Variants in TTC17 observed in about 807,000 individuals in gnomAD.
The protein encoded by TTC17 is tetratricopeptide repeat protein 17.
TTC17 carries 58 observed loss-of-function variants against 143.8 expected under a neutral mutation model. The ratio of observed to expected loss-of-function variants is 0.40; its 90% CI spans 0.33 to 0.50. TTC17 has a LOEUF of 0.50. Ranked by LOEUF, TTC17 falls within the 20% of genes least tolerant of loss-of-function variation. TTC17 has a pLI of 0.49. For synonymous variants in TTC17, 501 were observed against 497.8 expected, an observed-to-expected ratio of 1.01 and a Z score of -0.09; for missense variants, 1,273 against 1,392.5, an observed-to-expected ratio of 0.91 and a Z score of 1.37.
chr11:43,405,973 A>G, intron 13 of TTC17, 22 bp downstream of exon 13: 2 of 1,605,592 alleles, frequency 1.2e-6, no homozygotes, highest in Non-Finnish European at 1.7e-6. Context: ...TTAGGCTGGT[A>G]TTTATTGCCG....
chr11:43,367,742 G>GTCTC (rs1554982431), intron 1 of TTC17, among the ~76,000 whole-genome samples: 1 of 151,794 alleles, frequency 6.6e-6, no homozygotes, highest in African/African-American at 2.4e-5. Flanking sequence ...GTGTGTGTGT[G>GTCTC]TGTGTCTCTT....
At chr11:43,462,918 A>ATTTTTT (rs1369564202) in intron 21 of TTC17, among the ~76,000 whole-genome samples, 1 of 95,320 alleles carries the variant, frequency 1.0e-5, no homozygotes. Flanking sequence ...CAGTGACAAA[A>ATTTTTT]TTCTTTTTTT....
chr11:43,395,566 A>T (rs1040162140), intron 5 of TTC17: 1 of 152,234 alleles, frequency 6.6e-6, no homozygotes, highest in Non-Finnish European at 1.5e-5. Context: ...TGAAGAATGT[A>T]CTGTCCTTTA....
rs1357000926 is a variant in TTC17 at position 43,397,991 on chromosome 11, C to T, written c.936C>T (p.Asn312=). Residue 312 remains asparagine (N), a synonymous_variant, in exon 8 of 24, where the codon AAC becomes AAT. Coordinates refer to ENST00000039989, the MANE Select transcript of TTC17 (RefSeq NM_018259.6). ...CTCTTCAGATGCTTGGGGAATATAACCACTCAGTGCTCTGTTATGACCACG... is the reference window on the plus strand; with the variant it reads ...CTCTTCAGATGCTTGGGGAATATAATCACTCAGTGCTCTGTTATGACCACG... ...GNIYAMLGEY[N]HSVLCYDHAL... 2 of 1,554,170 alleles carry T rather than the reference C, an allele frequency of 1.3e-6. No individual in the cohort carries two copies. The highest frequency in any genetic ancestry group is 2.2e-5 in the South Asian group (2 of 90,242).
intron 16 of TTC17, among the ~76,000 whole-genome samples, chr11:43,416,978 AC>A (rs1324571725): frequency 3.9e-5 from 6 of 152,196 alleles, no homozygotes; most frequent in African/African-American, 1.4e-4. Context: ...AAATAATCCA[AC>A]ATTTGCTAAT....
intron 21 of TTC17, among the ~76,000 whole-genome samples, chr11:43,463,843 A>C (rs995282230): frequency 6.6e-6 from 1 of 152,276 alleles, no homozygotes; most frequent in Non-Finnish European, 1.5e-5. Context: ...ATGTAGTTTG[A>C]TATTGCTGCA....
intron 21 of TTC17, among the ~76,000 whole-genome samples, chr11:43,485,225 A>C (rs1004481764): frequency 6.6e-6 from 1 of 152,162 alleles, no homozygotes; most frequent in African/African-American, 2.4e-5. Flanking sequence ...CTGCTCTAAC[A>C]TACAGAACTG....
At position 43,443,453 on chromosome 11, in the gene TTC17, G is replaced by A. The variant is rs1947468323; in HGVS notation, c.2380G>A (p.Ala794Thr). Residue 794 changes from alanine to threonine, a missense_variant, in exon 17 of 24, where the codon GCA becomes ACA. Ala to Thr is a moderately conservative substitution (Grantham distance 58). This residue lies in a region of TTC17 where 878 missense variants were observed against 899.8 expected (regional missense o/e 0.98). Transcript: ENST00000039989. ...ATGGCCTTTGGAAGGCTTTGGGGGT[G>A]CACTAGAGATGAAAGGGCGGCGTCT... The part of the protein sequence containing the change: ...QAWPLEGFGG[A>T]LEMKGRRLDL... 3.1e-6 allele frequency: 5 copies of A among 1,614,062 alleles called. No individual in the cohort carries two copies. The highest frequency in any genetic ancestry group is 1.6e-4 in the Middle Eastern group (1 of 6,084).
chr11:43,379,338 A>C lies in TTC17; in HGVS notation c.249+16A>C. 6.2e-7 allele frequency: 1 copy of C among 1,601,252 alleles called. No individual in the cohort carries two copies. Among genetic ancestry groups the C allele is most frequent in the East Asian group, 2.2e-5 (1 of 44,678 alleles). On this transcript the variant is annotated intron_variant, in intron 2 of 23. Transcript: ENST00000039989. ...AGAATTAGAGGTGAGGCAACTGGGC[A>C]TGTGAGATGCAGCTGATGCTTGTTG...
chr11:43,370,532 A>G (rs1856523266), intron 1 of TTC17: 1 of 151,768 alleles, frequency 6.6e-6, no homozygotes, highest in African/African-American at 2.4e-5. Context: ...TATATTTGTC[A>G]TTACAGTTTG....
intron 16 of TTC17, among the ~76,000 whole-genome samples, chr11:43,435,986 C>T (rs1947283547): frequency 6.6e-6 from 1 of 152,166 alleles, no homozygotes; most frequent in African/African-American, 2.4e-5. Context: ...AGCGCAAAAT[C>T]TTGAATCACA....
rs776263513 is a variant in TTC17, at chr11:43,405,846, T to C, written c.1656T>C (p.Cys552=). ...AAGAAGAGGCCCAAACCCCTGACTGTTCCATAACTGACTTCAGAAAAAGCC... is the reference window on the plus strand; with the variant it reads ...AAGAAGAGGCCCAAACCCCTGACTGCTCCATAACTGACTTCAGAAAAAGCC... The part of the protein sequence containing the change: ...STEEEAQTPD[C]SITDFRKSHT... The change falls in exon 13 of 24, where the codon TGT becomes TGC. Residue 552 remains cysteine, a synonymous_variant. Coordinates refer to ENST00000039989, the MANE Select transcript of TTC17 (RefSeq NM_018259.6). 1 of 1,614,088 alleles carries C rather than the reference T, an allele frequency of 6.2e-7. No individual in the cohort carries two copies. Among genetic ancestry groups the C allele is most frequent in the Non-Finnish European group, 8.5e-7 (1 of 1,179,956 alleles).
chr11:43,426,586 G>T (rs184128940), intron 16 of TTC17, among the ~76,000 whole-genome samples: 2 of 152,124 alleles, frequency 1.3e-5, no homozygotes, highest in Admixed American at 6.5e-5. Flanking sequence ...GGACTTCAGC[G>T]GGATTTTTTA....
At chr11:43,384,762 A>G (rs1565137022) in intron 2 of TTC17, among the ~76,000 whole-genome samples, 1 of 152,244 alleles carries the variant, frequency 6.6e-6, no homozygotes, top group Non-Finnish European at 1.5e-5. Context: ...ATACATTAAT[A>G]TTTCTTTAGT....
chr11:43,397,904 GT>G (rs2134555574), intron 7 of TTC17, 69 bp from the exon 8 acceptor site: 2 of 147,090 alleles, frequency 1.4e-5, no homozygotes, highest in Non-Finnish European at 1.7e-5. Context: ...TTTTTTCCGT[GT>G]GTGTGTGTGT....
At chr11:43,442,356 T>C (rs1316763598) in intron 16 of TTC17, among the ~76,000 whole-genome samples, 2 of 152,176 alleles carry the variant, frequency 1.3e-5, no homozygotes, top group East Asian at 1.9e-4. Flanking sequence ...AAACTGGCAT[T>C]TTGTGAGGTA....
At chr11:43,397,850 A>G (rs1270833828) in intron 7 of TTC17, 124 bp from the exon 8 acceptor site, 12 of 1,346,258 alleles carry the variant, frequency 8.9e-6, no homozygotes, top group Non-Finnish European at 1.2e-5. Flanking sequence ...CTCATAAATC[A>G]TTAGAGGATT....
intron 16 of TTC17, among the ~76,000 whole-genome samples, chr11:43,427,755 C>A (rs1947063445): frequency 6.6e-6 from 1 of 152,136 alleles, no homozygotes; most frequent in African/African-American, 2.4e-5. Flanking sequence ...TCATACAACT[C>A]TCTAACAAGA....
intron 9 of TTC17, among the ~76,000 whole-genome samples, chr11:43,401,113 A>T (rs1001360588): frequency 6.6e-6 from 1 of 152,222 alleles, no homozygotes; most frequent in Non-Finnish European, 1.5e-5. Context: ...ATTATGAAGT[A>T]TGTAAAGCAA....
Sources: allele counts gnomAD v4.1 joint callset (sites outside exome capture counted in the v4.1 genomes callset), GRCh38; gene constraint gnomAD v4.1.1; regional missense constraint gnomAD v4.1.1; transcripts MANE v1.5; gene names NCBI Gene and HGNC (gene_info 2026-07-23, HGNC 2026-07-21).